The following PTDSS1 variants were observed in gnomAD, a reference collection of about 807,000 sequenced individuals.
The protein encoded by PTDSS1 is phosphatidylserine synthase 1.
Under a neutral mutation model 70.5 loss-of-function variants are expected in PTDSS1, and 45 were observed. The observed-to-expected ratio is 0.64, with a 90% confidence interval of 0.50 to 0.82. The LOEUF (loss-of-function observed/expected upper bound fraction) is 0.82, where lower values mean the gene tolerates loss of function less well. PTDSS1 is among the 40% of genes least tolerant of loss of function. The pLI is 0.00. For missense variants in PTDSS1, 417 were observed against 586.1 expected, an observed-to-expected ratio of 0.71 and a Z score of 2.98; for synonymous variants, 188 against 203.8, an observed-to-expected ratio of 0.92 and a Z score of 0.66.
chr8:96,298,086 T>C (rs1227991872), intron 5 of PTDSS1, among the ~76,000 whole-genome samples: 1 of 152,178 alleles, frequency 6.6e-6, no homozygotes, highest in Non-Finnish European at 1.5e-5. Flanking sequence ...TGACTTCTGC[T>C]GAAGTTTCTC....
chr8:96,266,265 G>A (rs34021315), intron 1 of PTDSS1, among the ~76,000 whole-genome samples: 16,395 of 152,216 alleles, frequency 0.11, 1,190 homozygotes, highest in African/African-American at 0.21. Context: ...CCTAGAAGAC[G>A]TTGCCTTTCT....
At chr8:96,324,647 C>T (rs1469178980) in intron 10 of PTDSS1, among the ~76,000 whole-genome samples, 1 of 152,166 alleles carries the variant, frequency 6.6e-6, no homozygotes, top group Non-Finnish European at 1.5e-5. Flanking sequence ...CCCAAGATAA[C>T]AGCCTGAATC....
At chr8:96,328,650 G>A (rs1221143842) in intron 10 of PTDSS1, among the ~76,000 whole-genome samples, 2 of 152,194 alleles carry the variant, frequency 1.3e-5, no homozygotes, top group Non-Finnish European at 2.9e-5. Flanking sequence ...GCACGGAAGA[G>A]GACAGCTAGC....
intron 9 of PTDSS1, among the ~76,000 whole-genome samples, chr8:96,310,629 C>T (rs1262435947): frequency 5.9e-5 from 9 of 152,218 alleles, no homozygotes; most frequent in South Asian, 2.1e-4. Flanking sequence ...GGCTGACCCA[C>T]ACCCCATATT....
intron 6 of PTDSS1, 33 bp downstream of exon 6, chr8:96,299,878 G>A (rs1811027955): frequency 6.3e-7 from 1 of 1,585,662 alleles, no homozygotes; most frequent in East Asian, 2.3e-5. Flanking sequence ...ATTAGTCACA[G>A]TTTTTCATGA....
chr8:96,283,611 TCTCTCA>T (rs1361236649), intron 2 of PTDSS1: 4 of 146,276 alleles, frequency 2.7e-5, no homozygotes, highest in Non-Finnish European at 4.6e-5. Context: ...TCTCTCTCTC[TCTCTCA>T]CACACACACA....
At chr8:96,314,047 A>T (rs1811249067) in intron 9 of PTDSS1, among the ~76,000 whole-genome samples, 1 of 151,386 alleles carries the variant, frequency 6.6e-6, no homozygotes, top group South Asian at 2.1e-4. Flanking sequence ...TTTCTTTTTA[A>T]ATTTTATTTC....
intron 11 of PTDSS1, 71 bp downstream of exon 11, chr8:96,330,352 C>T (rs900752703): frequency 1.4e-6 from 2 of 1,454,898 alleles, no homozygotes; most frequent in Non-Finnish European, 1.9e-6. Flanking sequence ...TCGCTCAGAG[C>T]ACGTGCCTGT....
chr8:96,332,660 A>G (rs953838257), intron 12 of PTDSS1, among the ~76,000 whole-genome samples: 7 of 152,266 alleles, frequency 4.6e-5, no homozygotes, highest in African/African-American at 1.7e-4. Context: ...GCAGTAGTAG[A>G]GATGTATTTA....
At chr8:96,310,364 C>T (rs967466074) in intron 9 of PTDSS1, among the ~76,000 whole-genome samples, 7 of 151,622 alleles carry the variant, frequency 4.6e-5, no homozygotes, top group South Asian at 2.1e-4. Context: ...GGGGTTTCAC[C>T]GTGTTGGTCA....
chr8:96,268,660 A>G (rs987539108), intron 1 of PTDSS1, among the ~76,000 whole-genome samples: 2 of 148,496 alleles, frequency 1.3e-5, no homozygotes, highest in Non-Finnish European at 1.5e-5. Flanking sequence ...TTTTAAACTC[A>G]GGGCTTTCCT....
intron 12 of PTDSS1, among the ~76,000 whole-genome samples, chr8:96,332,588 T>C (rs756887588): frequency 7.9e-5 from 12 of 152,330 alleles, no homozygotes; most frequent in Middle Eastern, 3.4e-3. Flanking sequence ...AGCTATCTTA[T>C]TTAGAACCAT....
intron 10 of PTDSS1, 144 bp from the exon 11 acceptor site, chr8:96,330,069 G>T: frequency 1.4e-6 from 1 of 730,336 alleles, no homozygotes; most frequent in East Asian, 2.7e-5. Context: ...CTTGAGGTCT[G>T]ATCTCTGCCA....
At chr8:96,303,502 T>TTATA (rs1230200306) in intron 6 of PTDSS1, among the ~76,000 whole-genome samples, 2 of 152,194 alleles carry the variant, frequency 1.3e-5, no homozygotes, top group Non-Finnish European at 2.9e-5. Context: ...GTTTTGGCTC[T>TTATA]CCTGGACTAG....
chr8:96,267,899 A>G (rs567910073), intron 1 of PTDSS1, among the ~76,000 whole-genome samples: 2 of 152,254 alleles, frequency 1.3e-5, no homozygotes, highest in African/African-American at 4.8e-5. Flanking sequence ...CTGCCCACAC[A>G]TGACACCACC....
intron 9 of PTDSS1, among the ~76,000 whole-genome samples, chr8:96,312,484 AAAAG>A (rs1276630266): frequency 1.3e-5 from 2 of 151,714 alleles, no homozygotes; most frequent in South Asian, 2.1e-4. Context: ...TTTTAAAAAA[AAAAG>A]GAAAAAAGTA....
At chr8:96,304,771 A>C (rs1213112218) in intron 7 of PTDSS1, among the ~76,000 whole-genome samples, 1 of 152,234 alleles carries the variant, frequency 6.6e-6, no homozygotes, top group Non-Finnish European at 1.5e-5. Context: ...TCTGAGAGAC[A>C]GCAATTTTTT....
At chr8:96,295,057 T>G (rs770277574) in intron 4 of PTDSS1, 41 bp from the exon 5 acceptor site, 9 of 1,550,722 alleles carry the variant, frequency 5.8e-6, no homozygotes, top group Non-Finnish European at 7.9e-6. Context: ...CAAGTTGATT[T>G]CTAGAGTTTC....
At chr8:96,300,725 G>A (rs1364820971) in intron 6 of PTDSS1, among the ~76,000 whole-genome samples, 1 of 152,126 alleles carries the variant, frequency 6.6e-6, no homozygotes, top group African/African-American at 2.4e-5. Flanking sequence ...ATTTTAAAGG[G>A]CTTCTTTGTA....
Sources: gnomAD v4.1 joint callset for allele counts (sites outside exome capture counted in the v4.1 genomes callset) on GRCh38, gnomAD v4.1.1 for gene constraint, MANE v1.5 for transcripts, NCBI Gene and HGNC (gene_info 2026-07-23, HGNC 2026-07-21) for gene names.